The following ZNF285 variants were observed in gnomAD, a reference collection of about 807,000 sequenced individuals.
ZNF285 encodes the protein zinc finger protein 285A.
In ZNF285, 4 loss-of-function variants were observed where a neutral mutation model predicts 6.2. That is an observed-to-expected ratio of 0.65 (90% CI 0.32 to 1.49). ZNF285 has a LOEUF of 1.49. Ranked by LOEUF, ZNF285 falls within the 40% of genes most tolerant of loss-of-function variation. The pLI is 0.07. For synonymous variants in ZNF285, 240 were observed against 245.8 expected (o/e 0.98, Z 0.22); for missense variants, 695 against 708.8 (o/e 0.98, Z 0.22).
At chr19:44,393,834 T>C (rs1971236606) in intron 2 of ZNF285, among the ~76,000 whole-genome samples, 3 of 152,102 alleles carry the variant, frequency 2.0e-5, no homozygotes, top group African/African-American at 4.8e-5. Context: ...AGTTCAACCA[T>C]TGTGGAAGTC....
intron 3 of ZNF285, chr19:44,392,077 GGGGA>G: frequency 1.0e-6 from 1 of 959,932 alleles, no homozygotes; most frequent in Non-Finnish European, 1.4e-6. Flanking sequence ...TGTGTGAGTA[GGGGA>G]GGGAGGGCTT....
rs533076425 is a variant in ZNF285 at position 44,387,635 on chromosome 19, C to T, written c.610G>A (p.Gly204Ser). The T allele has an allele frequency of 5.6e-6, 9 of 1,613,732 alleles. No individual in the cohort carries two copies. Among genetic ancestry groups the T allele is most frequent in the Non-Finnish European group, 6.8e-6 (8 of 1,179,850 alleles). ...TTTTTCCCACAGCTGGGATGTCTAC[C>T]AGGGTCCTCTCCTTTACATTCTTGG... ...ESQECKGEDPGRHPSCGKNLG... is the reference protein window; with the variant it reads ...ESQECKGEDPSRHPSCGKNLG... The change falls in exon 4 of 4, where the codon GGT becomes AGT. Residue 204 changes from glycine to serine, a missense_variant. Transcript: ENST00000614994.
In ZNF285 at chr19:44,387,414, A is replaced by C; in HGVS notation, c.831T>G (p.Val277=). 1.2e-6 allele frequency: 2 copies of C among 1,614,154 alleles called. No individual in the cohort carries two copies. Among genetic ancestry groups the C allele is most frequent in the Non-Finnish European group, 1.7e-6 (2 of 1,180,030 alleles). Residue 277 remains valine (V), a synonymous_variant, in exon 4 of 4, where the codon GTT becomes GTG. Transcript: ENST00000614994. ...KNFSQSQDLI[V]HCKTHSGKTP... is the part of the protein sequence containing the mutation. Reference sequence around the variant, plus strand: ...TCTTGCCAGAGTGAGTTTTACAATGAACGATAAGATCTTGGCTCTGACTAA... The same window carrying C: ...TCTTGCCAGAGTGAGTTTTACAATGCACGATAAGATCTTGGCTCTGACTAA...
Position 44,387,339 on chromosome 19 carries a change from G to A in ZNF285, c.906C>T (p.Asp302=), listed in dbSNP as rs770460274. 1.2e-5 allele frequency: 19 copies of A among 1,614,086 alleles called. No individual in the cohort carries two copies. In the Admixed American group the frequency reaches 2.0e-4, roughly 17 times the overall value. The change falls in exon 4 of 4, where the codon GAC becomes GAT. Residue 302 remains aspartate, a synonymous_variant. Coordinates refer to ENST00000614994, the MANE Select transcript of ZNF285 (RefSeq NM_152354.6). Reference sequence around the variant, plus strand: ...AGGAGACTTTCTGATATCTGGGAAGGTCTGAGCTCTGTTTGCAGCCCATAG... The same window carrying A: ...AGGAGACTTTCTGATATCTGGGAAGATCTGAGCTCTGTTTGCAGCCCATAG... ...EWPMGCKQSS[D]LPRYQKVSSG...
intron 1 of ZNF285, among the ~76,000 whole-genome samples, chr19:44,400,173 T>C (rs2123294361): frequency 6.7e-6 from 1 of 149,174 alleles, no homozygotes; most frequent in East Asian, 2.0e-4. Context: ...CTCTTGTTTT[T>C]TCCCTATCTG....
chr19:44,391,718 A>G (rs1971199640), intron 3 of ZNF285, among the ~76,000 whole-genome samples: 1 of 152,124 alleles, frequency 6.6e-6, no homozygotes, highest in Non-Finnish European at 1.5e-5. Flanking sequence ...ATTCAAGACG[A>G]GACTTGGGTA....
intron 2 of ZNF285, among the ~76,000 whole-genome samples, chr19:44,395,461 C>T (rs899020948): frequency 6.6e-6 from 1 of 152,108 alleles, no homozygotes; most frequent in African/African-American, 2.4e-5. Context: ...TGAGATACAA[C>T]AACTAACTGT....
At position 44,387,639 on chromosome 19, in the gene ZNF285, G is replaced by A. The variant is rs1364375538; in HGVS notation, c.606C>T (p.Asp202=). The change falls in exon 4 of 4, where the codon GAC becomes GAT. Residue 202 remains aspartate (D), a synonymous_variant. Transcript: ENST00000614994. ...TCCCACAGCTGGGATGTCTACCAGG[G>A]TCCTCTCCTTTACATTCTTGGGACT... ...HHESQECKGE[D]PGRHPSCGKN... 3.7e-6 allele frequency: 6 copies of A among 1,613,822 alleles called. No homozygotes were observed. Among genetic ancestry groups the A allele is most frequent in the South Asian group, 3.3e-5 (3 of 91,072 alleles).
At position 44,386,274 on chromosome 19, in the gene ZNF285, A is replaced by G. The variant is rs1971067281; in HGVS notation, c.*198T>C. On this transcript the variant is annotated 3_prime_UTR_variant, in exon 4 of 4. Transcript: ENST00000614994. ...TAACCTCTTTGCCATTGTAGCATAC[A>G]GCAGTTGATGGGAGCTTCACAGAAG... is the stretch of plus-strand genomic sequence containing the variant. 5.1e-6 allele frequency: 3 copies of G among 593,204 alleles called. No individual in the cohort carries two copies. The East Asian group carries it at 8.8e-5, about 17-fold the overall frequency. The allele number at this position is 593,204 out of a possible 1,614,324, so 36.7% of individuals were successfully genotyped here.
rs1247189596 is a variant in ZNF285 at position 44,387,070 on chromosome 19, C to G, written c.1175G>C (p.Arg392Thr). The change falls in exon 4 of 4, where the codon AGA becomes ACA. Residue 392 changes from arginine (R) to threonine (T), a missense_variant. By Grantham distance (71) the Arg-to-Thr change is moderately conservative. Transcript: ENST00000614994. The part of the protein sequence containing the change: ...DQSSNLLVHQ[R>T]VHTGEKPYKC... ...GTAGGGCTTCTCTCCAGTGTGGACT[C>G]TCTGATGGACAAGAAGGTTGGAGCT... 4.3e-6 allele frequency: 7 copies of G among 1,614,038 alleles called. No homozygotes were observed. Among genetic ancestry groups the G allele is most frequent in the Non-Finnish European group, 5.9e-6 (7 of 1,180,042 alleles).
chr19:44,394,715 C>G (rs1233724353), intron 2 of ZNF285, among the ~76,000 whole-genome samples: 1 of 152,098 alleles, frequency 6.6e-6, no homozygotes, highest in African/African-American at 2.4e-5. Context: ...CTAAATAAAG[C>G]AGAGGTTTCA....
At chr19:44,389,568 G>A (rs8109911) in intron 3 of ZNF285, among the ~76,000 whole-genome samples, 1,585 of 152,170 alleles carry the variant, frequency 0.01, 16 homozygotes, top group African/African-American at 0.012. Flanking sequence ...ACTTACATAC[G>A]ATGTGCAATA....
chr19:44,398,784 G>A (rs1023221809), intron 1 of ZNF285, among the ~76,000 whole-genome samples: 1 of 151,962 alleles, frequency 6.6e-6, no homozygotes, highest in Non-Finnish European at 1.5e-5. Context: ...GAAACTTATT[G>A]TATAAAATTG....
chr19:44,392,165 G>A, intron 3 of ZNF285, 175 bp downstream of exon 3: 1 of 1,458,364 alleles, frequency 6.9e-7, no homozygotes, highest in Non-Finnish European at 9.0e-7. Context: ...CCATCACAAG[G>A]GGCCAGATCT....
intron 2 of ZNF285, chr19:44,392,721 T>C (rs1203093076): frequency 1.5e-6 from 1 of 647,280 alleles, no homozygotes. Flanking sequence ...GAGCAAGCTC[T>C]GTTGAGGCTC....
chr19:44,395,940 C>T (rs532567289), intron 2 of ZNF285, among the ~76,000 whole-genome samples: 1 of 152,210 alleles, frequency 6.6e-6, no homozygotes, highest in Admixed American at 6.5e-5. Flanking sequence ...CAGGCCATAA[C>T]CATTGAGGAC....
chr19:44,392,783 A>G (rs1191448942), intron 2 of ZNF285, among the ~76,000 whole-genome samples: 1 of 152,156 alleles, frequency 6.6e-6, no homozygotes, highest in African/African-American at 2.4e-5. Context: ...GACAGTATTA[A>G]TCAAATTATA....
chr19:44,394,212 GA>G (rs1464003463), intron 2 of ZNF285, among the ~76,000 whole-genome samples: 1 of 151,866 alleles, frequency 6.6e-6, no homozygotes, highest in East Asian at 1.9e-4. Context: ...ATTGAACAAT[GA>G]GAATACATGG....
intron 1 of ZNF285, among the ~76,000 whole-genome samples, chr19:44,399,752 A>G (rs1051508307): frequency 6.6e-6 from 1 of 151,694 alleles, no homozygotes; most frequent in Non-Finnish European, 1.5e-5. Context: ...ATTTGAGGAG[A>G]GTTTAATAAA....
Sources: gnomAD v4.1 joint callset for allele counts (sites outside exome capture counted in the v4.1 genomes callset) on GRCh38, gnomAD v4.1.1 for gene constraint, MANE v1.5 for transcripts, NCBI Gene and HGNC (gene_info 2026-07-23, HGNC 2026-07-21) for gene names.